RIOK3: variants seen among roughly 807,000 people sequenced by gnomAD.
The protein encoded by RIOK3 is serine/threonine-protein kinase RIO3.
A neutral mutation model predicts 63.5 loss-of-function variants in RIOK3; 40 were observed. That is an observed-to-expected ratio of 0.63 (90% CI 0.49 to 0.82). The LOEUF is 0.82. RIOK3 is among the 40% of genes least tolerant of loss of function. The pLI is 0.00. For synonymous variants in RIOK3, 193 were observed against 205.0 expected (o/e 0.94, Z 0.50); for missense variants, 557 against 637.0 (o/e 0.87, Z 1.35).
chr18:23,477,402 G>GAT, intron 11 of RIOK3, 134 bp downstream of exon 11: 1 of 691,508 alleles, frequency 1.4e-6, no homozygotes, highest in Non-Finnish European at 2.6e-6. Context: ...TCAGGACAAG[G>GAT]ATATAAAGAT....
At chr18:23,454,816 A>G (rs527826293) in intron 1 of RIOK3, among the ~76,000 whole-genome samples, 1 of 152,324 alleles carries the variant, frequency 6.6e-6, no homozygotes, top group South Asian at 2.1e-4. Context: ...TATTGGGAGG[A>G]CAGTGTTTTG....
intron 1 of RIOK3, among the ~76,000 whole-genome samples, chr18:23,462,059 C>G (rs1306986629): frequency 2.7e-5 from 4 of 148,682 alleles, no homozygotes; most frequent in African/African-American, 7.4e-5. Context: ...CCACTGTACT[C>G]CAGCCTGGGT....
At chr18:23,469,376 TCCCCTCCCTCCC>T (rs1568384563) in intron 7 of RIOK3, among the ~76,000 whole-genome samples, 1,266 of 4,710 alleles carry the variant, frequency 0.27, 278 homozygotes, top group African/African-American at 0.37. Context: ...CCTCCCTCCC[TCCCCTCCCTCCC>T]CTCTCTCCTC....
At chr18:23,466,622 T>TG (rs1320930628) in intron 6 of RIOK3, among the ~76,000 whole-genome samples, 1 of 147,112 alleles carries the variant, frequency 6.8e-6, no homozygotes, top group African/African-American at 2.5e-5. Context: ...CCCAAGAAGT[T>TG]GAGGCTGCAG....
chr18:23,455,384 TTTTTTTTCTTTTTC>T, intron 1 of RIOK3, among the ~76,000 whole-genome samples: 1 of 146,074 alleles, frequency 6.8e-6, no homozygotes. Flanking sequence ...CTTTCTTTTT[TTTTTTTTCTTTTTC>T]TTTTTTTTTT....
Position 23,477,162 on chromosome 18 carries a change from G to C in RIOK3, c.1255-17G>C. Reference sequence around the variant, plus strand: ...TTAAAATGTAAATACATCAGTTCATGTTCTGTATTGAAATAGGTCTGGTTG... The same window carrying C: ...TTAAAATGTAAATACATCAGTTCATCTTCTGTATTGAAATAGGTCTGGTTG... On this transcript the variant is annotated splice_polypyrimidine_tract_variant and intron_variant, in intron 10 of 12. Coordinates refer to ENST00000339486, the MANE Select transcript of RIOK3 (RefSeq NM_003831.5). The C allele has an allele frequency of 1.9e-6, 3 of 1,610,810 alleles. No individual in the cohort carries two copies. Among genetic ancestry groups the C allele is most frequent in the Non-Finnish European group, 2.5e-6 (3 of 1,176,958 alleles).
In RIOK3 at chr18:23,477,250, C is replaced by A. The variant is rs1482025759; in HGVS notation, c.1326C>A (p.Asp442Glu). 1 of 1,613,858 alleles carries A rather than the reference C, an allele frequency of 6.2e-7. No individual in the cohort carries two copies. The highest frequency in any genetic ancestry group is 1.3e-5 in the African/African-American group (1 of 74,916). The change falls in exon 11 of 13, where the codon GAC (aspartate) becomes GAA (glutamate). Residue 442 changes from aspartate (D) to glutamate (E), a missense_variant. Physicochemically the swap from Asp to Glu is conservative, Grantham distance 45. Around this residue, in one of 3 missense-constraint regions of RIOK3, gnomAD observed 309 missense variants for 338.7 expected, o/e 0.91. Coordinates refer to ENST00000339486, the MANE Select transcript of RIOK3 (RefSeq NM_003831.5). ...ACGGCCTGGAGTTCTTGTTCCGGGA[C>A]TGCAGGAATGTCTCGCAGGTAGACG... ...HPHGLEFLFRDCRNVSQFFQK... is the reference protein window; with the variant it reads ...HPHGLEFLFRECRNVSQFFQK...
chr18:23,480,809 G>A (rs946207637), intron 12 of RIOK3, among the ~76,000 whole-genome samples: 2 of 152,054 alleles, frequency 1.3e-5, no homozygotes, highest in East Asian at 3.8e-4. Flanking sequence ...AAAACTGGCT[G>A]GACACGGTGG....
chr18:23,458,124 C>T (rs982324950), intron 1 of RIOK3, among the ~76,000 whole-genome samples: 2 of 149,074 alleles, frequency 1.3e-5, no homozygotes, highest in African/African-American at 5.0e-5. Context: ...AGGCTGGTGT[C>T]GAACTCCTGA....
chr18:23,464,491 A>T, intron 4 of RIOK3, 28 bp from the exon 5 acceptor site: 11 of 1,452,264 alleles, frequency 7.6e-6, no homozygotes, highest in Non-Finnish European at 1.0e-5. Flanking sequence ...CTATTTTTAT[A>T]TACCTGGCTT....
Position 23,481,600 on chromosome 18 carries a change from C to T in RIOK3, c.*321C>T. 4.8e-6 allele frequency: 1 copy of T among 207,794 alleles called. No homozygotes were observed. The highest frequency in any genetic ancestry group is 1.1e-4 in the East Asian group (1 of 9,348). The allele number at this position is 207,794 out of a possible 1,614,324, so 12.9% of individuals were successfully genotyped here. On this transcript the variant is annotated 3_prime_UTR_variant, in exon 13 of 13. Coordinates refer to ENST00000339486, the MANE Select transcript of RIOK3 (RefSeq NM_003831.5). Reference sequence around the variant, plus strand: ...GATAATTTTTAAAACTTGGGTAACACTTCCAAATATGGGAGGAAAGGACAG... The same window carrying T: ...GATAATTTTTAAAACTTGGGTAACATTTCCAAATATGGGAGGAAAGGACAG...
Position 23,479,316 on chromosome 18 carries a change from GT to G in RIOK3, c.1349del (p.Phe450SerfsTer22). 6.3e-7 allele frequency: 1 copy of G among 1,595,504 alleles called. No homozygotes were observed. The highest frequency in any genetic ancestry group is 8.6e-7 in the Non-Finnish European group (1 of 1,163,356). ...CTGACTTTCTTGTATTTCCTTACTA[GT>G]TTTTCCAGAAAGGAGGAGTCAAGGA... Reference protein sequence around the residue: ...LFRDCRNVSQFFQKGGVKEAL... With the variant: ...LFRDCRNVSQXFQKGGVKEAL... On this transcript the variant is annotated frameshift_variant and splice_region_variant, in exon 12 of 13. Coordinates refer to ENST00000339486, the MANE Select transcript of RIOK3 (RefSeq NM_003831.5). LOFTEE classifies it high-confidence loss of function.
chr18:23,481,316 G>A lies in RIOK3; in HGVS notation c.*37G>A, dbSNP rs757357448. The stretch of plus-strand genomic sequence containing the variant: ...ACTGCTTCAGTGTTAACACAGCAGT[G>A]ATTGTCAGCTGCCAATAGCAAATGA... On this transcript the variant is annotated 3_prime_UTR_variant, in exon 13 of 13. Coordinates refer to ENST00000339486, the MANE Select transcript of RIOK3 (RefSeq NM_003831.5). 1.6e-6 allele frequency: 2 copies of A among 1,263,668 alleles called. No individual in the cohort carries two copies. The highest frequency in any genetic ancestry group is 1.1e-6 in the Non-Finnish European group (1 of 902,682). 78.3% of individuals were successfully genotyped at this position (1,263,668 alleles called of 1,614,324 possible). A position where few individuals can be genotyped will look rare whatever the true frequency, so the allele number is the denominator to read the frequency against.
chr18:23,478,148 T>G (rs2057506046), intron 11 of RIOK3, among the ~76,000 whole-genome samples: 1 of 152,060 alleles, frequency 6.6e-6, no homozygotes. Context: ...GAGTAGACAT[T>G]TAATGTGTGC....
intron 1 of RIOK3, among the ~76,000 whole-genome samples, chr18:23,461,053 C>G (rs1275658628): frequency 6.6e-6 from 1 of 152,196 alleles, no homozygotes; most frequent in East Asian, 1.9e-4. Flanking sequence ...CTCATTCACT[C>G]AGGCATAAAT....
chr18:23,463,834 A>G, intron 2 of RIOK3, 133 bp from the exon 3 acceptor site: 1 of 716,812 alleles, frequency 1.4e-6, no homozygotes, highest in Non-Finnish European at 2.3e-6. Flanking sequence ...GTGCAGGAGA[A>G]GGTAAATGGT....
chr18:23,461,367 G>A (rs2057371192), intron 1 of RIOK3, among the ~76,000 whole-genome samples: 1 of 152,180 alleles, frequency 6.6e-6, no homozygotes, highest in South Asian at 2.1e-4. Flanking sequence ...TTTGAGTAAG[G>A]AGATGGAACC....
At chr18:23,463,238 G>C in intron 2 of RIOK3, 159 bp downstream of exon 2, 1 of 523,424 alleles carries the variant, frequency 1.9e-6, no homozygotes, top group Non-Finnish European at 3.4e-6. Flanking sequence ...ATTTTGCATT[G>C]GTTTTCATTA....
chr18:23,456,164 T>C (rs2057339648), intron 1 of RIOK3, among the ~76,000 whole-genome samples: 1 of 151,936 alleles, frequency 6.6e-6, no homozygotes, highest in African/African-American at 2.4e-5. Context: ...ACTCCTGGGC[T>C]CAAGCAGTAC....
Sources: gnomAD v4.1 joint callset for allele counts (sites outside exome capture counted in the v4.1 genomes callset) on GRCh38, gnomAD v4.1.1 for gene constraint, gnomAD v4.1.1 regional missense constraint, MANE v1.5 for transcripts, NCBI Gene and HGNC (gene_info 2026-07-23, HGNC 2026-07-21) for gene names.